UNC119B: variants seen among roughly 807,000 people sequenced by gnomAD.
UNC119B encodes the protein protein unc-119 homolog B.
In UNC119B, 16 loss-of-function variants were observed where a neutral mutation model predicts 23.4. The observed-to-expected ratio is 0.68, with a 90% CI of 0.46 to 1.04. UNC119B has a LOEUF of 1.04. UNC119B is among the 50% of genes least tolerant of loss of function. The pLI is 0.00. For missense variants in UNC119B, 350 were observed against 361.3 expected (o/e 0.97, Z 0.25); for synonymous variants, 144 against 145.4 (o/e 0.99, Z 0.07).
rs1216313404 is a variant in UNC119B at position 120,720,189 on chromosome 12, A to G, written c.*157A>G. ...TTTCCTGCGCGCCAAAGGAGCTGCC[A>G]AACAGTGCTGTGTTTTCTTCCCCAG... On this transcript the variant is annotated 3_prime_UTR_variant, in exon 5 of 5. Transcript: ENST00000344651. 1.6e-6 allele frequency: 1 copy of G among 612,090 alleles called. No homozygotes were observed. The highest frequency in any genetic ancestry group is 3.0e-5 in the Admixed American group (1 of 33,786). The allele number at this position is 612,090 out of a possible 1,614,324, so 37.9% of individuals were successfully genotyped here. A position where few individuals can be genotyped will look rare whatever the true frequency, so the allele number is the denominator to read the frequency against.
intron 1 of UNC119B, 160 bp downstream of exon 1, chr12:120,710,878 C>T (rs1459870153): frequency 1.1e-5 from 7 of 622,350 alleles, no homozygotes; most frequent in Non-Finnish European, 1.6e-5. Context: ...TTTGCTCCCG[C>T]CACGCTCACG....
intron 1 of UNC119B, 133 bp downstream of exon 1, chr12:120,710,851 T>C (rs1246842935): frequency 8.1e-6 from 7 of 869,276 alleles, no homozygotes; most frequent in Non-Finnish European, 1.0e-5. Flanking sequence ...CGCTTCCCGC[T>C]GCCCCGCCGG....
At chr12:120,712,203 A>G (rs61108232) in intron 1 of UNC119B, among the ~76,000 whole-genome samples, 5,232 of 152,176 alleles carry the variant, frequency 0.034, 104 homozygotes, top group South Asian at 0.062. Flanking sequence ...GAGTCTGGCA[A>G]CCTCTTTGTT....
chr12:120,718,120 G>A (rs577988312), intron 4 of UNC119B, among the ~76,000 whole-genome samples: 59 of 151,978 alleles, frequency 3.9e-4, no homozygotes, highest in Non-Finnish European at 5.7e-4. Flanking sequence ...CGCCTGCTTC[G>A]GCCTCCCAAA....
chr12:120,717,691 T>A (rs1050626356), intron 4 of UNC119B, among the ~76,000 whole-genome samples: 4 of 149,328 alleles, frequency 2.7e-5, no homozygotes, highest in African/African-American at 1.0e-4. Flanking sequence ...GCCTCTCGAG[T>A]AGCTGGGATT....
At chr12:120,716,117 C>T (rs1384956999) in intron 2 of UNC119B, among the ~76,000 whole-genome samples, 1 of 152,220 alleles carries the variant, frequency 6.6e-6, no homozygotes, top group Non-Finnish European at 1.5e-5. Context: ...TGATAAGTGT[C>T]AACTTTTGTA....
At position 120,710,735 on chromosome 12, in the gene UNC119B, C is replaced by T. The variant is rs1882645360; in HGVS notation, c.244+17C>T. The T allele has an allele frequency of 3.7e-6, 5 of 1,339,340 alleles. No individual in the cohort carries two copies. Among genetic ancestry groups the T allele is most frequent in the Non-Finnish European group, 4.8e-6 (5 of 1,048,550 alleles). 83.0% of individuals were successfully genotyped at this position (1,339,340 alleles called of 1,614,324 possible). ...TCACCGAGAGTGAGTGCCGCGCGGG[C>T]CGCGCCCTCCCCTCGCGCCGTGCCC... On this transcript the variant is annotated intron_variant, in intron 1 of 4. Coordinates refer to ENST00000344651, the MANE Select transcript of UNC119B (RefSeq NM_001080533.3).
intron 4 of UNC119B, among the ~76,000 whole-genome samples, chr12:120,719,694 A>G (rs1882848557): frequency 6.6e-6 from 1 of 152,116 alleles, no homozygotes; most frequent in East Asian, 1.9e-4. Flanking sequence ...AGTTGATTGC[A>G]TCCTTATGTT....
rs1401578385 is a variant in UNC119B, at chr12:120,721,171, GT to G, written c.*1141del. 2 of 152,234 alleles carry G rather than the reference GT, an allele frequency of 1.3e-5. No individual in the cohort carries two copies. Among genetic ancestry groups the G allele is most frequent in the Non-Finnish European group, 2.9e-5 (2 of 68,042 alleles). The allele number at this position is 152,234 out of a possible 1,614,324, so 9.4% of individuals were successfully genotyped here. ...TCTGGAACTTTCCTGGTGGATCAGA[GT>G]TACGTAATGCAGTCTGAGCCTTCAG... On this transcript the variant is annotated 3_prime_UTR_variant, in exon 5 of 5. Coordinates refer to ENST00000344651, the MANE Select transcript of UNC119B (RefSeq NM_001080533.3).
In UNC119B at chr12:120,719,864, G is replaced by A. The variant is rs1381084106; in HGVS notation, c.644-56G>A. ...AAAGTTTTCTCCCACCTACCCTGTG[G>A]GGCAGACTCAAACATAATTCTTTGC... On this transcript the variant is annotated intron_variant, in intron 4 of 4. Coordinates refer to ENST00000344651, the MANE Select transcript of UNC119B (RefSeq NM_001080533.3). 14 of 1,299,010 alleles carry A rather than the reference G, an allele frequency of 1.1e-5. No homozygotes were observed. The Admixed American group carries it at 2.4e-4, about 22-fold the overall frequency. The allele number at this position is 1,299,010 out of a possible 1,614,324, so 80.5% of individuals were successfully genotyped here.
chr12:120,711,653 T>C (rs1882671689), intron 1 of UNC119B: 1 of 152,330 alleles, frequency 6.6e-6, no homozygotes, highest in African/African-American at 2.4e-5. Context: ...TGCAGTCTCC[T>C]AACCCTGTGG....
chr12:120,714,917 G>A (rs149949994), intron 2 of UNC119B, among the ~76,000 whole-genome samples: 10 of 152,286 alleles, frequency 6.6e-5, no homozygotes, highest in African/African-American at 2.2e-4. Context: ...GCTGGGTGCG[G>A]TGGATCACAC....
chr12:120,717,119 A>C, intron 4 of UNC119B, 77 bp downstream of exon 4: 4 of 1,430,334 alleles, frequency 2.8e-6, no homozygotes, highest in South Asian at 2.9e-5. Context: ...CATCTGGTCC[A>C]GCGCCCTGGC....
At chr12:120,712,205 C>T (rs2136928823) in intron 1 of UNC119B, among the ~76,000 whole-genome samples, 1 of 152,314 alleles carries the variant, frequency 6.6e-6, no homozygotes, top group Non-Finnish European at 1.5e-5. Flanking sequence ...GTCTGGCAAC[C>T]TCTTTGTTAC....
chr12:120,716,844 C>T lies in UNC119B; in HGVS notation c.471-26C>T, dbSNP rs111743536. 129 of 1,604,492 alleles carry T rather than the reference C, an allele frequency of 8.0e-5. 2 individuals are homozygous for T. The highest frequency in any genetic ancestry group is 4.9e-4 in the African/African-American group (37 of 74,860). On this transcript the variant is annotated intron_variant, in intron 3 of 4. Transcript: ENST00000344651. Reference sequence around the variant, plus strand: ...CTTTAGAGGAGGGAGGAGGCAAAGTCGGGCTTACAGAGATTTATTTTCCAG... The same window carrying T: ...CTTTAGAGGAGGGAGGAGGCAAAGTTGGGCTTACAGAGATTTATTTTCCAG...
intron 2 of UNC119B, among the ~76,000 whole-genome samples, chr12:120,715,429 A>G (rs11065222): frequency 0.035 from 5,220 of 150,112 alleles, 109 homozygotes; most frequent in South Asian, 0.064. Context: ...CTTATGTTGT[A>G]CTCATGTACA....
In UNC119B at chr12:120,722,433, C is replaced by T. The variant is rs1202512916; in HGVS notation, c.*2401C>T. On this transcript the variant is annotated 3_prime_UTR_variant, in exon 5 of 5. Coordinates refer to ENST00000344651, the MANE Select transcript of UNC119B (RefSeq NM_001080533.3). ...GAGTTTGAAATTCAAGCGTTTGTAC[C>T]TGAGTTGGGGAGAGAATTGCAAGGC... is the stretch of plus-strand genomic sequence containing the variant. 6.6e-6 allele frequency: 1 copy of T among 152,192 alleles called. No homozygotes were observed. The highest frequency in any genetic ancestry group is 1.5e-5 in the Non-Finnish European group (1 of 68,060). 9.4% of individuals were successfully genotyped at this position (152,192 alleles called of 1,614,324 possible).
rs374849349 is a variant in UNC119B at position 120,716,576 on chromosome 12, T to G, written c.359-52T>G. ...GCTGTTGGGACTGGTGATAGAACTCTTGGATTGAGAATGTCGAGATGGTGC... is the reference window on the plus strand; with the variant it reads ...GCTGTTGGGACTGGTGATAGAACTCGTGGATTGAGAATGTCGAGATGGTGC... On this transcript the variant is annotated intron_variant, in intron 2 of 4. Transcript: ENST00000344651. The G allele has an allele frequency of 4.3e-4, 693 of 1,597,812 alleles. 3 individuals are homozygous for G. In the African/African-American group the frequency reaches 7.8e-3, roughly 18 times the overall value.
rs696336 is a variant in UNC119B at position 120,720,513 on chromosome 12, G to A, written c.*481G>A. The A allele has an allele frequency of 0.036, 5,529 of 155,596 alleles. 211 individuals carry two copies. The highest frequency in any genetic ancestry group is 0.085 in the African/African-American group (3,536 of 41,536). 9.6% of individuals were successfully genotyped at this position (155,596 alleles called of 1,614,324 possible). A position where few individuals can be genotyped will look rare whatever the true frequency, so the allele number is the denominator to read the frequency against. On this transcript the variant is annotated 3_prime_UTR_variant, in exon 5 of 5. Coordinates refer to ENST00000344651, the MANE Select transcript of UNC119B (RefSeq NM_001080533.3). ...ATTGCCATCAGCGCAGTCTGCCCTC[G>A]GTCTGTGTGAAGTCTTAAACCAACT...
Sources: allele counts gnomAD v4.1 joint callset (sites outside exome capture counted in the v4.1 genomes callset), GRCh38; gene constraint gnomAD v4.1.1; transcripts MANE v1.5; gene names NCBI Gene and HGNC (gene_info 2026-07-23, HGNC 2026-07-21).